Variants in CAV3 observed in about 807,000 individuals in gnomAD.
The protein encoded by CAV3 is caveolin-3.
CAV3 carries 10 observed loss-of-function variants against 13.4 expected under a neutral mutation model. The ratio of observed to expected loss-of-function variants is 0.75; its 90% CI spans 0.46 to 1.27. The LOEUF (loss-of-function observed/expected upper bound fraction) is 1.27, where lower values mean the gene tolerates loss of function less well. Ranked by LOEUF, CAV3 falls within the 50% of genes most tolerant of loss-of-function variation. The probability of loss-of-function intolerance (pLI) is 0.00; values close to 1 mark genes in which losing one functional copy is unlikely to be tolerated. For missense variants in CAV3, 162 were observed against 194.0 expected (o/e 0.83, Z 0.98); for synonymous variants, 90 against 79.0 (o/e 1.14, Z -0.74).
Position 8,745,556 on chromosome 3 carries a change from G to C in CAV3, c.145G>C (p.Val49Leu), listed in dbSNP as rs748266940. ...VDFEDVIAEP[V>L]GTYSFDGVWK... ...TTTTGAAGACGTGATCGCAGAGCCT[G>C]TGGGCACCTACAGCTTTGACGGCGT... is the stretch of plus-strand genomic sequence containing the variant. The change falls in exon 2 of 2, where the codon GTG becomes CTG. Residue 49 changes from valine to leucine, a missense_variant. Physicochemically the swap from Val to Leu is conservative, Grantham distance 32. Transcript: ENST00000343849. This position sits in a 1 kb window ranked among gnomAD's most constrained non-coding sequence, Gnocchi z 4.8. The C allele has an allele frequency of 6.2e-7, 1 of 1,614,184 alleles. No homozygotes were observed. The highest frequency in any genetic ancestry group is 1.1e-5 in the South Asian group (1 of 91,078).
intron 1 of CAV3, among the ~76,000 whole-genome samples, chr3:8,737,588 T>C (rs1331742253): frequency 6.6e-6 from 1 of 152,110 alleles, no homozygotes; most frequent in Non-Finnish European, 1.5e-5. Context: ...CAGGGCAGTG[T>C]AGAAGGTCAT....
At chr3:8,734,317 G>C (rs569942046) in intron 1 of CAV3, among the ~76,000 whole-genome samples, 1 of 152,176 alleles carries the variant, frequency 6.6e-6, no homozygotes, top group Non-Finnish European at 1.5e-5. Flanking sequence ...CTCACCCTGG[G>C]AGGAACAGGA....
At chr3:8,742,002 C>T (rs765797411) in intron 1 of CAV3, among the ~76,000 whole-genome samples, 4 of 152,218 alleles carry the variant, frequency 2.6e-5, no homozygotes, top group African/African-American at 4.8e-5. Flanking sequence ...TGTCCTGAGC[C>T]TCAGCACGCA....
At chr3:8,737,402 A>G (rs1267648338) in intron 1 of CAV3, among the ~76,000 whole-genome samples, 1 of 152,196 alleles carries the variant, frequency 6.6e-6, no homozygotes, top group Non-Finnish European at 1.5e-5. Context: ...CACATTTAAA[A>G]AAGCCAAGGA....
At chr3:8,738,880 A>T (rs148641384) in intron 1 of CAV3, among the ~76,000 whole-genome samples, 37 of 152,336 alleles carry the variant, frequency 2.4e-4, no homozygotes, top group African/African-American at 8.9e-4. Flanking sequence ...TCAGCTAGTC[A>T]TAGTGGGTAC....
rs1284084883 is a variant in CAV3, at chr3:8,745,488, C to T, written c.115-38C>T. 3.3e-6 allele frequency: 4 copies of T among 1,200,470 alleles called. No individual in the cohort carries two copies. Among genetic ancestry groups the T allele is most frequent in the South Asian group, 1.2e-5 (1 of 83,938 alleles). The allele number at this position is 1,200,470 out of a possible 1,614,324, so 74.4% of individuals were successfully genotyped here. A position where few individuals can be genotyped will look rare whatever the true frequency, so the allele number is the denominator to read the frequency against. ...ACCCAAAAGCTTGAGAAGCGGGTGG[C>T]TTCTGTGAGTTGAGGCTTCCCCTTG... On this transcript the variant is annotated intron_variant, in intron 1 of 1. Coordinates refer to ENST00000343849, the MANE Select transcript of CAV3 (RefSeq NM_033337.3). This position sits in a 1 kb window ranked among gnomAD's most constrained non-coding sequence, Gnocchi z 4.8.
intron 1 of CAV3, among the ~76,000 whole-genome samples, chr3:8,739,925 G>A (rs1309782582): frequency 2.0e-5 from 3 of 152,094 alleles, no homozygotes; most frequent in Non-Finnish European, 4.4e-5. Flanking sequence ...AATCACCTGG[G>A]GGCTCCACCG....
Position 8,746,594 on chromosome 3 carries a change from G to A in CAV3, c.*727G>A, listed in dbSNP as rs1421157935. 1.3e-5 allele frequency: 2 copies of A among 152,004 alleles called. No individual in the cohort carries two copies. The highest frequency in any genetic ancestry group is 2.4e-5 in the African/African-American group (1 of 41,356). The allele number at this position is 152,004 out of a possible 1,614,324, so 9.4% of individuals were successfully genotyped here. ...AGGGTACCACTGAGGGAAGGGCCTG[G>A]GTTCAAGCCTCCCGGAACCTCCCCT... is the stretch of plus-strand genomic sequence containing the variant. On this transcript the variant is annotated 3_prime_UTR_variant, in exon 2 of 2. Coordinates refer to ENST00000343849, the MANE Select transcript of CAV3 (RefSeq NM_033337.3).
chr3:8,742,360 C>CA (rs36055094), intron 1 of CAV3: 90,954 of 240,642 alleles, frequency 0.38, 13,492 homozygotes, highest in East Asian at 0.5. Context: ...CTGCAAACAC[C>CA]AAAAAAAAAA....
In CAV3 at chr3:8,745,915, A is replaced by C; in HGVS notation, c.*48A>C. The stretch of plus-strand genomic sequence containing the variant: ...GGCAGGGCAGGGGGTGGTGGGCCAG[A>C]CTGGTCCCCGGGGGACTTCTTCACA... On this transcript the variant is annotated 3_prime_UTR_variant, in exon 2 of 2. Coordinates refer to ENST00000343849, the MANE Select transcript of CAV3 (RefSeq NM_033337.3). This position sits in a 1 kb window ranked among gnomAD's most constrained non-coding sequence, Gnocchi z 4.8. 1.3e-6 allele frequency: 2 copies of C among 1,515,888 alleles called. No homozygotes were observed. Among genetic ancestry groups the C allele is most frequent in the Non-Finnish European group, 1.8e-6 (2 of 1,106,382 alleles). The allele number at this position is 1,515,888 out of a possible 1,614,324, so 93.9% of individuals were successfully genotyped here.
At chr3:8,742,264 G>C (rs1444418380) in intron 1 of CAV3, among the ~76,000 whole-genome samples, 4 of 149,886 alleles carry the variant, frequency 2.7e-5, no homozygotes, top group African/African-American at 9.9e-5. Flanking sequence ...TGTTTTCTGA[G>C]ATTCACAGAA....
rs890710365 is a variant in CAV3 at position 8,743,948 on chromosome 3, T to G, written c.115-1578T>G. On this transcript the variant is annotated intron_variant, in intron 1 of 1. Coordinates refer to ENST00000343849, the MANE Select transcript of CAV3 (RefSeq NM_033337.3). ...TTTATAATGAAAGTAATTTTAATAT[T>G]GGTGATGCAATAGAGGAGAGGATCC... Among the ~76,000 whole-genome samples, 9 of 152,324 alleles carry G rather than the reference T, an allele frequency of 5.9e-5. 1 individual carries two copies. Among genetic ancestry groups the G allele is most frequent in the East Asian group, 1.9e-4 (1 of 5,188 alleles).
chr3:8,736,318 C>T (rs1364620877), intron 1 of CAV3, among the ~76,000 whole-genome samples: 5 of 152,106 alleles, frequency 3.3e-5, no homozygotes, highest in African/African-American at 1.2e-4. Context: ...CAGCACTGTG[C>T]GTTAGAAATA....
chr3:8,743,582 C>T (rs1483585623), intron 1 of CAV3, among the ~76,000 whole-genome samples: 3 of 152,184 alleles, frequency 2.0e-5, no homozygotes, highest in African/African-American at 7.2e-5. Flanking sequence ...GGGAGGTCAG[C>T]TTTTCCATTT....
intron 1 of CAV3, among the ~76,000 whole-genome samples, chr3:8,740,214 T>C (rs1335811601): frequency 6.6e-6 from 1 of 152,122 alleles, no homozygotes; most frequent in Non-Finnish European, 1.5e-5. Context: ...AAGGCTTAGT[T>C]CTAGAACTGG....
At chr3:8,734,682 C>A (rs1707689550) in intron 1 of CAV3, among the ~76,000 whole-genome samples, 1 of 152,174 alleles carries the variant, frequency 6.6e-6, no homozygotes, top group Non-Finnish European at 1.5e-5. Flanking sequence ...CCTCCAGGCC[C>A]ACACCTTCAA....
chr3:8,735,909 C>T (rs1484486410), intron 1 of CAV3, among the ~76,000 whole-genome samples: 1 of 152,176 alleles, frequency 6.6e-6, no homozygotes, highest in East Asian at 1.9e-4. Context: ...CTTCTGTCCC[C>T]CTGCTTCACT....
intron 1 of CAV3, among the ~76,000 whole-genome samples, chr3:8,734,505 C>T (rs924187765): frequency 3.9e-5 from 6 of 152,202 alleles, no homozygotes; most frequent in African/African-American, 1.4e-4. Flanking sequence ...CCATGCCCAG[C>T]CCTCCCCTAG....
At chr3:8,741,283 C>T (rs1040575624) in intron 1 of CAV3, among the ~76,000 whole-genome samples, 1 of 152,174 alleles carries the variant, frequency 6.6e-6, no homozygotes, top group Non-Finnish European at 1.5e-5. Context: ...GTTACAAGCA[C>T]CAATGTTTAT....
Sources: gnomAD v4.1 joint callset for allele counts (sites outside exome capture counted in the v4.1 genomes callset) on GRCh38, gnomAD v4.1.1 for gene constraint, Gnocchi (gnomAD v3.1) non-coding constraint, MANE v1.5 for transcripts, NCBI Gene and HGNC (gene_info 2026-07-23, HGNC 2026-07-21) for gene names.